The following PLEKHA1 variants were observed in gnomAD, a reference collection of about 807,000 sequenced individuals.
PLEKHA1 encodes the protein pleckstrin homology domain containing A1.
A neutral mutation model predicts 52.0 loss-of-function variants in PLEKHA1; 34 were observed. That is an observed-to-expected ratio of 0.65 (90% CI 0.50 to 0.87). The LOEUF (loss-of-function observed/expected upper bound fraction) is 0.87. Among genes scored for constraint, PLEKHA1 ranks in the 40% least tolerant of loss-of-function variants. The probability of loss-of-function intolerance (pLI) is 0.00; values close to 1 mark genes in which losing one functional copy is unlikely to be tolerated. For synonymous variants in PLEKHA1, 163 were observed against 170.7 expected (o/e 0.95, Z 0.35); for missense variants, 497 against 504.2 (o/e 0.99, Z 0.14).
rs1305986159 is a variant in PLEKHA1 at position 122,413,052 on chromosome 10, A to G, written c.468+7A>G. On this transcript the variant is annotated splice_region_variant and intron_variant, in intron 6 of 11. Transcript: ENST00000368990. ...CATCATTACTCCCACTCAGGTAATT[A>G]AGTAACTCTTCTATTGTGTGAGGGT... The G allele has an allele frequency of 1.9e-6, 3 of 1,610,490 alleles. No individual in the cohort carries two copies. The highest frequency in any genetic ancestry group is 4.5e-5 in the East Asian group (2 of 44,826).
At chr10:122,403,133 A>T (rs1223090086) in intron 4 of PLEKHA1, among the ~76,000 whole-genome samples, 1 of 152,208 alleles carries the variant, frequency 6.6e-6, no homozygotes. Context: ...ATTATCAAAC[A>T]GGAGAAGGAA....
intron 1 of PLEKHA1, among the ~76,000 whole-genome samples, chr10:122,392,107 A>T (rs2133984171): frequency 6.6e-6 from 1 of 152,318 alleles, no homozygotes; most frequent in Admixed American, 6.5e-5. Context: ...ACATGTCTGT[A>T]GTCTCTAGAG....
chr10:122,397,011 T>C (rs1290161308), intron 2 of PLEKHA1, among the ~76,000 whole-genome samples: 1 of 152,132 alleles, frequency 6.6e-6, no homozygotes, highest in Non-Finnish European at 1.5e-5. Context: ...TACTTTTTTA[T>C]TTAGGTCCTC....
chr10:122,437,377 T>C, the PLEKHA1 span: 3 of 152,234 alleles, frequency 2.0e-5, no homozygotes, highest in Admixed American at 1.3e-4. Context: ...GATTGCAGTA[T>C]TGGTTGCAGT....
chr10:122,430,083 C>A lies in PLEKHA1; in HGVS notation c.*145C>A. On this transcript the variant is annotated 3_prime_UTR_variant, in exon 12 of 12. Coordinates refer to ENST00000368990, the MANE Select transcript of PLEKHA1 (RefSeq NM_001001974.4). Reference sequence around the variant, plus strand: ...GTGTACTCTTTATAAGCTGGTAAACCAAGAATCTAGGGAGTGGCCAAACTA... The same window carrying A: ...GTGTACTCTTTATAAGCTGGTAAACAAAGAATCTAGGGAGTGGCCAAACTA... 1 of 927,690 alleles carries A rather than the reference C, an allele frequency of 1.1e-6. No homozygotes were observed. The highest frequency in any genetic ancestry group is 1.5e-6 in the Non-Finnish European group (1 of 658,666). 57.5% of individuals were successfully genotyped at this position (927,690 alleles called of 1,614,324 possible). A position where few individuals can be genotyped will look rare whatever the true frequency, so the allele number is the denominator to read the frequency against.
chr10:122,424,784 T>A, intron 9 of PLEKHA1, 112 bp from the exon 10 acceptor site: 1 of 673,558 alleles, frequency 1.5e-6, no homozygotes. Flanking sequence ...GTTTGCTAAA[T>A]CAGTGCTTTA....
rs538204589 is a variant in PLEKHA1 at position 122,397,647 on chromosome 10, A to G, written c.142-271A>G. On this transcript the variant is annotated intron_variant, in intron 2 of 11. Coordinates refer to ENST00000368990, the MANE Select transcript of PLEKHA1 (RefSeq NM_001001974.4). ...ATCTTGTTCATGGCTTTTTAAGCTC[A>G]TGAGAAAGTATTAGTTTAGCTCCAG... 5.3e-5 allele frequency among the ~76,000 whole-genome samples: 8 copies of G among 152,202 alleles called. No individual in the cohort carries two copies. The South Asian group carries it at 8.3e-4, about 16-fold the overall frequency.
intron 1 of PLEKHA1, among the ~76,000 whole-genome samples, chr10:122,378,862 CACTT>C (rs3037926): frequency 0.12 from 17,544 of 151,928 alleles, 1,345 homozygotes; most frequent in Non-Finnish European, 0.17. Context: ...GTGGTCAGGC[CACTT>C]ACTTACTGAA....
the PLEKHA1 span, chr10:122,440,394 T>C: frequency 6.6e-6 from 1 of 152,224 alleles, no homozygotes; most frequent in Non-Finnish European, 1.5e-5. Flanking sequence ...CAACTGAACC[T>C]TTCCATCTCC....
At position 122,432,067 on chromosome 10, in the gene PLEKHA1, C is replaced by G. The variant is rs1467167627; in HGVS notation, c.*2129C>G. The stretch of plus-strand genomic sequence containing the variant: ...CATAGGAAAATGTTCTGGTGATTGT[C>G]AGGGTCTCCTAATATTTATCTCAAT... On this transcript the variant is annotated 3_prime_UTR_variant, in exon 12 of 12. Coordinates refer to ENST00000368990, the MANE Select transcript of PLEKHA1 (RefSeq NM_001001974.4). 2 of 152,164 alleles carry G rather than the reference C, an allele frequency of 1.3e-5. No individual in the cohort carries two copies. The highest frequency in any genetic ancestry group is 2.4e-5 in the African/African-American group (1 of 41,438). The allele number at this position is 152,164 out of a possible 1,614,324, so 9.4% of individuals were successfully genotyped here.
intron 4 of PLEKHA1, among the ~76,000 whole-genome samples, chr10:122,404,106 A>G (rs1243680566): frequency 6.6e-6 from 1 of 152,194 alleles, no homozygotes; most frequent in Non-Finnish European, 1.5e-5. Flanking sequence ...GTCACCTCTT[A>G]AGGAGGTGGA....
At chr10:122,383,313 G>GTTTTTTTTTTTCT (rs2096640908) in intron 1 of PLEKHA1, among the ~76,000 whole-genome samples, 1 of 128,390 alleles carries the variant, frequency 7.8e-6, no homozygotes, top group Non-Finnish European at 1.6e-5. Context: ...CTTTCTTTCT[G>GTTTTTTTTTTTCT]TTTTTTTTTT....
At chr10:122,436,178 A>G (rs1335784948), downstream of PLEKHA1, 4 of 151,210 alleles carry the variant, frequency 2.6e-5, no homozygotes. Context: ...CACTACTTCT[A>G]CTGTCTCAGT....
chr10:122,432,279 A>G lies in PLEKHA1; in HGVS notation c.*2341A>G, dbSNP rs1240645424. On this transcript the variant is annotated 3_prime_UTR_variant, in exon 12 of 12. Coordinates refer to ENST00000368990, the MANE Select transcript of PLEKHA1 (RefSeq NM_001001974.4). Reference sequence around the variant, plus strand: ...TGTGTGCCTCCCAACATTTACTGTTAAAGTGTGTTATCTTTATATGTCAAA... The same window carrying G: ...TGTGTGCCTCCCAACATTTACTGTTGAAGTGTGTTATCTTTATATGTCAAA... The G allele has an allele frequency of 6.6e-6, 1 of 152,168 alleles. No individual in the cohort carries two copies. The highest frequency in any genetic ancestry group is 1.5e-5 in the Non-Finnish European group (1 of 68,034). 9.4% of individuals were successfully genotyped at this position (152,168 alleles called of 1,614,324 possible).
At position 122,430,130 on chromosome 10, in the gene PLEKHA1, A is replaced by G; in HGVS notation, c.*192A>G. ...ACTAAATATAATTTCTTTAAAAAAG[A>G]AAGAAAAAGGAAAAATCCAAAATAT... is the stretch of plus-strand genomic sequence containing the variant. On this transcript the variant is annotated 3_prime_UTR_variant, in exon 12 of 12. Transcript: ENST00000368990. 6 of 649,868 alleles carry G rather than the reference A, an allele frequency of 9.2e-6. No individual in the cohort carries two copies. The highest frequency in any genetic ancestry group is 1.4e-5 in the Non-Finnish European group (6 of 421,378). The allele number at this position is 649,868 out of a possible 1,614,324, so 40.3% of individuals were successfully genotyped here. A position where few individuals can be genotyped will look rare whatever the true frequency, so the allele number is the denominator to read the frequency against.
chr10:122,440,352 CAG>C, the PLEKHA1 span: 1 of 152,248 alleles, frequency 6.6e-6, no homozygotes, highest in Non-Finnish European at 1.5e-5. Flanking sequence ...CCTTCTCACA[CAG>C]TGCTTCTGTG....
chr10:122,390,256 CTAA>C (rs2096757832), intron 1 of PLEKHA1, among the ~76,000 whole-genome samples: 2 of 152,226 alleles, frequency 1.3e-5, no homozygotes, highest in African/African-American at 2.4e-5. Flanking sequence ...AATACTGTAG[CTAA>C]TTTGATGTTC....
intron 2 of PLEKHA1, among the ~76,000 whole-genome samples, chr10:122,394,562 G>A (rs148009862): frequency 0.025 from 3,870 of 152,208 alleles, 70 homozygotes; most frequent in Non-Finnish European, 0.041. Flanking sequence ...CTTATACAAG[G>A]TTCTGTTCTG....
At chr10:122,392,966 C>T in intron 1 of PLEKHA1, 1 of 378,518 alleles carries the variant, frequency 2.6e-6, no homozygotes. Flanking sequence ...CTGTTGTCCC[C>T]ATCACAGTGA....
Sources: allele counts gnomAD v4.1 joint callset (sites outside exome capture counted in the v4.1 genomes callset), GRCh38; gene constraint gnomAD v4.1.1; transcripts MANE v1.5; gene names NCBI Gene and HGNC (gene_info 2026-07-23, HGNC 2026-07-21).